SZT2: variants seen among roughly 807,000 people sequenced by gnomAD.
SZT2 encodes SZT2 subunit of KICSTOR complex, also known as KICSTOR complex protein SZT2.
A neutral mutation model predicts 404.2 loss-of-function variants in SZT2; 216 were observed. The ratio of observed to expected loss-of-function variants is 0.53; its 90% CI spans 0.48 to 0.60. The LOEUF (loss-of-function observed/expected upper bound fraction) is 0.60, where lower values mean the gene tolerates loss of function less well. Among genes scored for constraint, SZT2 ranks in the 20% least tolerant of loss-of-function variants. SZT2 has a pLI of 0.00. For synonymous variants in SZT2, 1,693 were observed against 1,749.9 expected, an observed-to-expected ratio of 0.97 and a Z score of 0.81; for missense variants, 3,857 against 4,459.2, an observed-to-expected ratio of 0.86 and a Z score of 3.85.
intron 4 of SZT2, chr1:43,406,973 A>G (rs1314094889): frequency 6.6e-6 from 1 of 152,264 alleles, no homozygotes; most frequent in African/African-American, 2.4e-5. Context: ...TTAAACAGAC[A>G]GTAACAGGAT....
rs1349378438 is a variant in SZT2, at chr1:43,450,815, C to T, written c.*335C>T. 9 of 708,572 alleles carry T rather than the reference C, an allele frequency of 1.3e-5. No individual in the cohort carries two copies. The highest frequency in any genetic ancestry group is 8.7e-5 in the Admixed American group (5 of 57,190). The allele number at this position is 708,572 out of a possible 1,614,324, so 43.9% of individuals were successfully genotyped here. On this transcript the variant is annotated 3_prime_UTR_variant, in exon 72 of 72. Coordinates refer to ENST00000634258, the MANE Select transcript of SZT2 (RefSeq NM_001365999.1). This position sits in a 1 kb window ranked among gnomAD's most constrained non-coding sequence, Gnocchi z 4.3. ...GGGTGGCAAACACCCCCTAGAGCTCCTCTGCCTGAATCCTGCCCCCTAGCC... is the reference window on the plus strand; with the variant it reads ...GGGTGGCAAACACCCCCTAGAGCTCTTCTGCCTGAATCCTGCCCCCTAGCC...
chr1:43,431,313 A>G lies in SZT2; in HGVS notation c.4965A>G (p.Pro1655=), dbSNP rs1455728404. 2 of 1,613,588 alleles carry G rather than the reference A, an allele frequency of 1.2e-6. No individual in the cohort carries two copies. Among genetic ancestry groups the G allele is most frequent in the Non-Finnish European group, 1.7e-6 (2 of 1,179,744 alleles). Residue 1655 remains proline, a synonymous_variant, in exon 34 of 72, where the codon CCA becomes CCG. Transcript: ENST00000634258. The stretch of plus-strand genomic sequence containing the variant: ...CATTTCCACGATCCCCAGGGCAGCC[A>G]TCATCTTTAAGGTCAGATGATGGCC... ...SASFPRSPGQ[P]SSLRSDDGLG...
chr1:43,421,344 C>G, intron 11 of SZT2, 41 bp downstream of exon 11: 1 of 1,591,610 alleles, frequency 6.3e-7, no homozygotes, highest in South Asian at 1.1e-5. Context: ...TTCATGTCAA[C>G]TTGGGTTGCA....
chr1:43,444,677 C>A (rs1348505693), intron 62 of SZT2, among the ~76,000 whole-genome samples: 2 of 152,144 alleles, frequency 1.3e-5, no homozygotes, highest in Non-Finnish European at 2.9e-5. Flanking sequence ...AGGGACAACT[C>A]TGCAGCCACC....
At chr1:43,432,031 C>A in intron 36 of SZT2, 130 bp downstream of exon 36, 1 of 1,245,420 alleles carries the variant, frequency 8.0e-7, no homozygotes, top group Non-Finnish European at 1.1e-6. Flanking sequence ...CTGCTCACCA[C>A]ATCATCTGCC....
chr1:43,409,410 A>G, intron 4 of SZT2: 1 of 310,028 alleles, frequency 3.2e-6, no homozygotes, highest in Non-Finnish European at 6.4e-6. Context: ...AGAAAAGTGA[A>G]GGTCTACCTA....
chr1:43,431,177 A>G, intron 33 of SZT2, 87 bp downstream of exon 33: 1 of 1,572,852 alleles, frequency 6.4e-7, no homozygotes, highest in Non-Finnish European at 8.6e-7. Flanking sequence ...GGGACTAAGG[A>G]GACCTTGAGG....
At chr1:43,402,182 T>G in intron 1 of SZT2, among the ~76,000 whole-genome samples, 2 of 152,334 alleles carry the variant, frequency 1.3e-5, no homozygotes, top group East Asian at 3.9e-4. Flanking sequence ...TTTCCCTCAT[T>G]AATCAGGGAC....
chr1:43,404,171 C>T lies in SZT2; in HGVS notation c.328-209C>T, dbSNP rs546232604. 17 of 561,344 alleles carry T rather than the reference C, an allele frequency of 3.0e-5. 2 individuals carry two copies. Among genetic ancestry groups the T allele is most frequent in the African/African-American group, 1.5e-4 (8 of 53,458 alleles). The allele number at this position is 561,344 out of a possible 1,614,324, so 34.8% of individuals were successfully genotyped here. Reference sequence around the variant, plus strand: ...ACAGTGAGCCGGGATCAGGCCACTGCGCTCTAGCGTGGGCAACAAAGCAAG... The same window carrying T: ...ACAGTGAGCCGGGATCAGGCCACTGTGCTCTAGCGTGGGCAACAAAGCAAG... On this transcript the variant is annotated intron_variant, in intron 3 of 71. Coordinates refer to ENST00000634258, the MANE Select transcript of SZT2 (RefSeq NM_001365999.1).
In SZT2 at chr1:43,450,991, T is replaced by G; in HGVS notation, c.*511T>G. On this transcript the variant is annotated 3_prime_UTR_variant, in exon 72 of 72. Transcript: ENST00000634258. This position sits in a 1 kb window ranked among gnomAD's most constrained non-coding sequence, Gnocchi z 4.3. Reference sequence around the variant, plus strand: ...ACTTGTGGCCACCGTCAAGTCCCTTTGCTCTCGGACCCTGGGTTTCTCATC... The same window carrying G: ...ACTTGTGGCCACCGTCAAGTCCCTTGGCTCTCGGACCCTGGGTTTCTCATC... 1 of 765,692 alleles carries G rather than the reference T, an allele frequency of 1.3e-6. No individual in the cohort carries two copies. Among genetic ancestry groups the G allele is most frequent in the Non-Finnish European group, 2.4e-6 (1 of 419,208 alleles). The allele number at this position is 765,692 out of a possible 1,614,324, so 47.4% of individuals were successfully genotyped here.
chr1:43,429,591 G>A lies in SZT2; in HGVS notation c.4167-112G>A, dbSNP rs1434265006. On this transcript the variant is annotated intron_variant, in intron 28 of 71. Transcript: ENST00000634258. ...TTTACCACCCATGCCATTACGCTAA[G>A]TACTCTTCCTGTGGACAAAAAGGCT... 2.9e-6 allele frequency: 4 copies of A among 1,366,884 alleles called. No individual in the cohort carries two copies. The South Asian group carries it at 5.1e-5, about 17-fold the overall frequency. 84.7% of individuals were successfully genotyped at this position (1,366,884 alleles called of 1,614,324 possible). A position where few individuals can be genotyped will look rare whatever the true frequency, so the allele number is the denominator to read the frequency against.
chr1:43,422,820 G>A lies in SZT2; in HGVS notation c.1974G>A (p.Lys658=). The A allele has an allele frequency of 6.3e-7, 1 of 1,594,326 alleles. No homozygotes were observed. Among genetic ancestry groups the A allele is most frequent in the Non-Finnish European group, 8.5e-7 (1 of 1,178,110 alleles). The part of the protein sequence containing the change: ...NSFYMVRIIS[K]APCMVLRLGF... ...TCTACATGGTCCGTATCATTTCCAA[G>A]GCCCCATGCATGGTTCTTCGCCTGG... The change falls in exon 14 of 72, where the codon AAG becomes AAA. Residue 658 remains lysine, a synonymous_variant. Transcript: ENST00000634258.
chr1:43,430,684 A>G lies in SZT2; in HGVS notation c.4669A>G (p.Ser1557Gly). ...GGGCGACTCACCCACTGGGCCTGAG[A>G]GCTTCCTTCATGACCTGCCACCGCT... ...LGGDSPTGPE[S>G]FLHDLPPLFL... Residue 1557 changes from serine (S) to glycine (G), a missense_variant, in exon 32 of 72, where the codon AGC (serine) becomes GGC (glycine). Coordinates refer to ENST00000634258, the MANE Select transcript of SZT2 (RefSeq NM_001365999.1). 2 of 1,613,838 alleles carry G rather than the reference A, an allele frequency of 1.2e-6. No individual in the cohort carries two copies. Among genetic ancestry groups the G allele is most frequent in the Non-Finnish European group, 1.7e-6 (2 of 1,179,970 alleles).
In SZT2 at chr1:43,391,933, A is replaced by C. The variant is rs1557494314; in HGVS notation, c.27+1938A>C. ...TGTCTCTACTAAAAAAAATACAAAA[A>C]ATTAGCTGGGCGTGGTGGCGGGCGC... is the stretch of plus-strand genomic sequence containing the variant. On this transcript the variant is annotated intron_variant, in intron 1 of 71. Transcript: ENST00000634258. Among the ~76,000 whole-genome samples the C allele has an allele frequency of 3.6e-4, 25 of 68,888 alleles. 8 individuals carry two copies. Among genetic ancestry groups the C allele is most frequent in the East Asian group, 6.3e-4 (2 of 3,172 alleles). The allele number at this position is 68,888 out of a possible 152,430, so 45.2% of individuals were successfully genotyped here.
In SZT2 at chr1:43,420,462, A is replaced by C; in HGVS notation, c.1261+139A>C. 8.4e-7 allele frequency: 1 copy of C among 1,193,074 alleles called. No homozygotes were observed. The highest frequency in any genetic ancestry group is 1.6e-5 in the South Asian group (1 of 62,410). 73.9% of individuals were successfully genotyped at this position (1,193,074 alleles called of 1,614,324 possible). A position where few individuals can be genotyped will look rare whatever the true frequency, so the allele number is the denominator to read the frequency against. On this transcript the variant is annotated intron_variant, in intron 9 of 71. Transcript: ENST00000634258. The surrounding 1 kb of genome is among the most constrained non-coding windows in gnomAD (Gnocchi z 5.1). ...AGACAGTGGGTTTTGAATTGTCATC[A>C]GGGCTTAATTCTCTTAGCATGGAGC...
chr1:43,447,144 T>G lies in SZT2; in HGVS notation c.9262T>G (p.Phe3088Val), dbSNP rs1281605472. 1 of 1,613,014 alleles carries G rather than the reference T, an allele frequency of 6.2e-7. No individual in the cohort carries two copies. Among genetic ancestry groups the G allele is most frequent in the African/African-American group, 1.3e-5 (1 of 74,910 alleles). Residue 3088 changes from phenylalanine to valine, a missense_variant, in exon 66 of 72, where the codon TTT becomes GTT. Transcript: ENST00000634258. ...GGCCCACCACCCTGACGGACCCCAC[T>G]TTGGCCGCAATCACATTTACCAAGG... ...FLAHHPDGPH[F>V]GRNHIYQGTL...
At chr1:43,397,798 G>T (rs540828405) in intron 1 of SZT2, among the ~76,000 whole-genome samples, 1 of 152,188 alleles carries the variant, frequency 6.6e-6, no homozygotes, top group African/African-American at 2.4e-5. Context: ...CAAAGTGCTG[G>T]GATTACAGGT....
chr1:43,426,324 G>A lies in SZT2; in HGVS notation c.3044-44G>A. ...GTCAGGGCTGAGCCGGGGGCACCGG[G>A]CAGCAGGAGGCTCTTGGTGCTGAGC... is the stretch of plus-strand genomic sequence containing the variant. On this transcript the variant is annotated intron_variant, in intron 21 of 71. Coordinates refer to ENST00000634258, the MANE Select transcript of SZT2 (RefSeq NM_001365999.1). The surrounding 1 kb of genome is among the most constrained non-coding windows in gnomAD (Gnocchi z 4.9). 1.3e-6 allele frequency: 2 copies of A among 1,511,928 alleles called. No homozygotes were observed. The highest frequency in any genetic ancestry group is 1.4e-5 in the African/African-American group (1 of 72,820). 93.7% of individuals were successfully genotyped at this position (1,511,928 alleles called of 1,614,324 possible).
At position 43,431,717 on chromosome 1, in the gene SZT2, T is replaced by C; in HGVS notation, c.5090T>C (p.Ile1697Thr). The change falls in exon 36 of 72, where the codon ATC (isoleucine) becomes ACC (threonine). Residue 1697 changes from isoleucine (I) to threonine (T), a missense_variant and splice_region_variant. Around this residue, in one of 7 missense-constraint regions of SZT2, gnomAD observed 1,725 missense variants for 1,881.0 expected, o/e 0.92. Coordinates refer to ENST00000634258, the MANE Select transcript of SZT2 (RefSeq NM_001365999.1). The part of the protein sequence containing the change: ...RLAIETTMNE[I>T]RWLLEDEMVG... Reference sequence around the variant, plus strand: ...TTGTCACTTGCTGTCTAACTGTAGATCCGCTGGTTGTTGGAAGATGAGATG... The same window carrying C: ...TTGTCACTTGCTGTCTAACTGTAGACCCGCTGGTTGTTGGAAGATGAGATG... The C allele has an allele frequency of 6.2e-7, 1 of 1,614,084 alleles. No individual in the cohort carries two copies. Among genetic ancestry groups the C allele is most frequent in the Non-Finnish European group, 8.5e-7 (1 of 1,179,962 alleles).
Sources: gnomAD v4.1 joint callset for allele counts (sites outside exome capture counted in the v4.1 genomes callset) on GRCh38, gnomAD v4.1.1 for gene constraint, gnomAD v4.1.1 regional missense constraint, Gnocchi (gnomAD v3.1) non-coding constraint, MANE v1.5 for transcripts, NCBI Gene and HGNC (gene_info 2026-07-23, HGNC 2026-07-21) for gene names.